WDFY3: variants seen among roughly 807,000 people sequenced by gnomAD.
WDFY3 encodes the protein WD repeat and FYVE domain containing 3.
WDFY3 carries 66 observed loss-of-function variants against 409.6 expected under a neutral mutation model. That is an observed-to-expected ratio of 0.16 (90% CI 0.13 to 0.20). WDFY3 has a LOEUF of 0.20. Among genes scored for constraint, WDFY3 ranks in the 10% least tolerant of loss-of-function variants. The pLI, the probability that WDFY3 is intolerant of heterozygous loss-of-function variation, is 1.00. For synonymous variants in WDFY3, 1,521 were observed against 1,537.1 expected, an observed-to-expected ratio of 0.99 and a Z score of 0.25; for missense variants, 3,031 against 4,298.1, an observed-to-expected ratio of 0.71 and a Z score of 8.24.
intron 29 of WDFY3, among the ~76,000 whole-genome samples, chr4:84,774,184 G>C (rs1006986789): frequency 2.6e-5 from 4 of 152,182 alleles, no homozygotes; most frequent in Non-Finnish European, 5.9e-5. Context: ...ACCAAGTCCA[G>C]TTTAAGCAAT....
At chr4:84,908,316 T>C (rs1037778085) in intron 2 of WDFY3, among the ~76,000 whole-genome samples, 4 of 152,122 alleles carry the variant, frequency 2.6e-5, no homozygotes, top group Non-Finnish European at 5.9e-5. Flanking sequence ...AACAGACATT[T>C]AGAAGGTAGA....
intron 44 of WDFY3, among the ~76,000 whole-genome samples, chr4:84,729,928 T>C (rs1391907671): frequency 1.3e-5 from 2 of 152,186 alleles, no homozygotes; most frequent in Non-Finnish European, 2.9e-5. Flanking sequence ...GGCACAAACC[T>C]ATTCTATCAC....
chr4:84,912,087 T>A (rs1029339214), intron 2 of WDFY3, among the ~76,000 whole-genome samples: 1 of 152,218 alleles, frequency 6.6e-6, no homozygotes, highest in African/African-American at 2.4e-5. Flanking sequence ...AAAATGTGTC[T>A]CAAGGTTCAT....
chr4:84,837,514 G>C (rs944651948), intron 6 of WDFY3, among the ~76,000 whole-genome samples: 1 of 152,036 alleles, frequency 6.6e-6, no homozygotes, highest in Admixed American at 6.6e-5. Context: ...TACATACAAA[G>C]AAACATTAAG....
intron 3 of WDFY3, among the ~76,000 whole-genome samples, chr4:84,871,571 T>C (rs1238021553): frequency 6.6e-6 from 1 of 152,166 alleles, no homozygotes; most frequent in Non-Finnish European, 1.5e-5. Flanking sequence ...TGTATCTATA[T>C]TAATGAAAGA....
At chr4:84,787,944 A>C (rs974206981) in intron 22 of WDFY3, among the ~76,000 whole-genome samples, 1 of 152,296 alleles carries the variant, frequency 6.6e-6, no homozygotes, top group Admixed American at 6.5e-5. Context: ...TAAACTCTTT[A>C]ATGCTAGAAA....
intron 22 of WDFY3, among the ~76,000 whole-genome samples, chr4:84,788,418 A>G (rs1223755782): frequency 6.6e-6 from 1 of 152,218 alleles, no homozygotes; most frequent in East Asian, 1.9e-4. Context: ...TGATGATGTA[A>G]ATAAATCAAT....
chr4:84,709,492 G>A, intron 51 of WDFY3, 145 bp from the exon 52 acceptor site: 1 of 635,586 alleles, frequency 1.6e-6, no homozygotes, highest in Non-Finnish European at 2.7e-6. Context: ...TCAGTTTAGT[G>A]GGTTGTGATC....
At chr4:84,823,872 TAA>T (rs1279415085) in intron 10 of WDFY3, among the ~76,000 whole-genome samples, 1 of 152,188 alleles carries the variant, frequency 6.6e-6, no homozygotes, top group Non-Finnish European at 1.5e-5. Context: ...CAGTTTCTTG[TAA>T]AGTTAAACAT....
At chr4:84,738,906 T>C in intron 40 of WDFY3, 104 bp downstream of exon 40, 1 of 1,132,006 alleles carries the variant, frequency 8.8e-7, no homozygotes, top group Non-Finnish European at 1.3e-6. Flanking sequence ...CTGGGAGAGT[T>C]GCTATCAATG....
At chr4:84,733,186 C>G (rs1736891384) in intron 44 of WDFY3, among the ~76,000 whole-genome samples, 196 bp downstream of exon 44, 1 of 152,160 alleles carries the variant, frequency 6.6e-6, no homozygotes, top group African/African-American at 2.4e-5. Flanking sequence ...ATCTAAACCT[C>G]TTTATTATGA....
intron 64 of WDFY3, among the ~76,000 whole-genome samples, chr4:84,681,589 T>C (rs996983489): frequency 3.9e-5 from 6 of 152,174 alleles, no homozygotes; most frequent in Admixed American, 1.3e-4. Context: ...TAAGTTTCCT[T>C]TATTAACTCT....
At chr4:84,815,156 T>C (rs1001991233) in intron 13 of WDFY3, among the ~76,000 whole-genome samples, 17 of 152,142 alleles carry the variant, frequency 1.1e-4, no homozygotes, top group African/African-American at 3.9e-4. Flanking sequence ...GAGATGGAGA[T>C]CGGGTCACAA....
chr4:84,862,510 C>CA (rs1167441021), intron 3 of WDFY3, among the ~76,000 whole-genome samples: 1 of 152,162 alleles, frequency 6.6e-6, no homozygotes, highest in Admixed American at 6.5e-5. Flanking sequence ...CTGGTATTTA[C>CA]AGTCCTGGAA....
chr4:84,874,736 A>AGCTTTTG (rs1385538703), intron 3 of WDFY3, among the ~76,000 whole-genome samples: 1 of 152,124 alleles, frequency 6.6e-6, no homozygotes, highest in African/African-American at 2.4e-5. Context: ...TTTGTTGTTC[A>AGCTTTTG]GCTTTTGGCC....
intron 15 of WDFY3, among the ~76,000 whole-genome samples, chr4:84,805,805 T>C (rs1423892824): frequency 6.6e-6 from 1 of 152,196 alleles, no homozygotes; most frequent in Admixed American, 6.5e-5. Flanking sequence ...TCCATTGCAG[T>C]TATATTCTGT....
intron 2 of WDFY3, among the ~76,000 whole-genome samples, chr4:84,921,803 C>G (rs1427141542): frequency 6.6e-6 from 1 of 151,292 alleles, no homozygotes; most frequent in African/African-American, 2.4e-5. Context: ...ATTACAGGCA[C>G]CTGCCACCAC....
chr4:84,955,637 C>T (rs570364125), intron 1 of WDFY3, among the ~76,000 whole-genome samples: 14 of 151,890 alleles, frequency 9.2e-5, no homozygotes, highest in East Asian at 1.9e-4. Flanking sequence ...GTGAAGAGTA[C>T]GTGGAGCTCT....
Position 84,766,334 on chromosome 4 carries a change from G to A in WDFY3, c.4888C>T (p.Leu1630Phe), listed in dbSNP as rs751772643. Reference sequence around the variant, plus strand: ...AGAAGTCTGTTCCTCAAAAGTATAAGATTAGCTGATACAAGACCTCCAAAC... The same window carrying A: ...AGAAGTCTGTTCCTCAAAAGTATAAAATTAGCTGATACAAGACCTCCAAAC... ...EEFGGLVSAN[L>F]ILLRNRLLDI... The change falls in exon 31 of 68, where the codon CTT becomes TTT. Residue 1630 changes from leucine (L) to phenylalanine (F), a missense_variant. Around this residue, in one of 16 missense-constraint regions of WDFY3, gnomAD observed 342 missense variants for 463.7 expected, o/e 0.74. Coordinates refer to ENST00000295888, the MANE Select transcript of WDFY3 (RefSeq NM_014991.6). 3 of 1,603,474 alleles carry A rather than the reference G, an allele frequency of 1.9e-6. No individual in the cohort carries two copies. The highest frequency in any genetic ancestry group is 2.5e-6 in the Non-Finnish European group (3 of 1,176,838).
Sources: allele counts gnomAD v4.1 joint callset (sites outside exome capture counted in the v4.1 genomes callset), GRCh38; gene constraint gnomAD v4.1.1; regional missense constraint gnomAD v4.1.1; transcripts MANE v1.5; gene names NCBI Gene and HGNC (gene_info 2026-07-23, HGNC 2026-07-21).